Variants in RIN2 observed in about 807,000 individuals in gnomAD.
RIN2 encodes the protein RAB5 interacting protein 2.
A neutral mutation model predicts 78.0 loss-of-function variants in RIN2; 36 were observed. The observed-to-expected ratio is 0.46, with a 90% CI of 0.35 to 0.61. The LOEUF is 0.61. RIN2 is among the 20% of genes least tolerant of loss of function. The pLI, the probability that RIN2 is intolerant of heterozygous loss-of-function variation, is 0.00. For synonymous variants in RIN2, 466 were observed against 466.8 expected, an observed-to-expected ratio of 1.00 and a Z score of 0.02; for missense variants, 1,087 against 1,159.7, an observed-to-expected ratio of 0.94 and a Z score of 0.91.
intron 9 of RIN2, among the ~76,000 whole-genome samples, chr20:19,980,968 G>A (rs145234179): frequency 2.4e-3 from 362 of 152,364 alleles, no homozygotes; most frequent in Non-Finnish European, 4.4e-3. Context: ...GAGTCAAAGC[G>A]TATGAATTAA....
Position 19,880,928 on chromosome 20 carries a change from C to A in RIN2, c.-36-8638C>A, listed in dbSNP as rs115710756. Among the ~76,000 whole-genome samples the A allele has an allele frequency of 3.3e-3, 498 of 152,276 alleles. 5 individuals are homozygous for A. The highest frequency in any genetic ancestry group is 0.011 in the African/African-American group (477 of 41,554). The stretch of plus-strand genomic sequence containing the variant: ...AAATAACAGACCGAACATATGGCTT[C>A]CTTTAACTATTCCCGATGGCAGCAT... On this transcript the variant is annotated intron_variant, in intron 2 of 12. Transcript: ENST00000255006.
chr20:19,868,027 T>A (rs1427904909), intron 2 of RIN2, among the ~76,000 whole-genome samples: 1 of 152,242 alleles, frequency 6.6e-6, no homozygotes, highest in Non-Finnish European at 1.5e-5. Context: ...TGGGGCATGC[T>A]GGTGCACAAA....
At chr20:19,776,271 C>T (rs1330046407) in intron 1 of RIN2, among the ~76,000 whole-genome samples, 1 of 152,228 alleles carries the variant, frequency 6.6e-6, no homozygotes, top group Non-Finnish European at 1.5e-5. Flanking sequence ...AACCTTAAGA[C>T]TGATAGAACA....
At chr20:19,776,511 C>T (rs1467227970) in intron 1 of RIN2, among the ~76,000 whole-genome samples, 1 of 152,082 alleles carries the variant, frequency 6.6e-6, no homozygotes, top group Non-Finnish European at 1.5e-5. Context: ...GCAGATGGTT[C>T]ACCTGAGGTC....
intron 2 of RIN2, among the ~76,000 whole-genome samples, chr20:19,868,874 A>T (rs1264634508): frequency 6.6e-6 from 1 of 152,130 alleles, no homozygotes; most frequent in East Asian, 1.9e-4. Context: ...TAAGGTCAGG[A>T]GTTCAAGACC....
intron 3 of RIN2, chr20:19,934,741 C>T (rs751185819): frequency 2.9e-4 from 100 of 347,886 alleles, no homozygotes; most frequent in Middle Eastern, 1.4e-3. Flanking sequence ...AATATTGAGG[C>T]CCGGTTTTGC....
At chr20:19,935,465 C>T (rs989550123) in intron 4 of RIN2, 1 of 1,224,432 alleles carries the variant, frequency 8.2e-7, no homozygotes, top group Non-Finnish European at 1.0e-6. Context: ...ATTGTCTGTG[C>T]CATATCCACC....
chr20:19,949,495 C>CT (rs2041229057), intron 4 of RIN2, among the ~76,000 whole-genome samples: 1 of 152,160 alleles, frequency 6.6e-6, no homozygotes, highest in Non-Finnish European at 1.5e-5. Flanking sequence ...GTCATTTTGC[C>CT]TTGAACTTTA....
intron 1 of RIN2, among the ~76,000 whole-genome samples, chr20:19,758,775 C>T (rs1474190704): frequency 6.6e-6 from 1 of 152,222 alleles, no homozygotes; most frequent in Non-Finnish European, 1.5e-5. Flanking sequence ...CAAGTGCTCC[C>T]TGCGCCTGAG....
chr20:19,817,233 C>A (rs1448211608), intron 2 of RIN2, among the ~76,000 whole-genome samples: 2 of 152,188 alleles, frequency 1.3e-5, no homozygotes, highest in Non-Finnish European at 2.9e-5. Context: ...AATTTATAAA[C>A]AATAGAAATG....
chr20:19,940,726 T>G (rs549027803), intron 4 of RIN2, among the ~76,000 whole-genome samples: 3 of 152,336 alleles, frequency 2.0e-5, no homozygotes, highest in Admixed American at 2.0e-4. Flanking sequence ...CCCTCCCACA[T>G]GATTCCACAG....
chr20:19,826,184 GGTGA>G (rs1288650044), intron 2 of RIN2, among the ~76,000 whole-genome samples: 5 of 151,982 alleles, frequency 3.3e-5, no homozygotes, highest in Non-Finnish European at 7.4e-5. Context: ...TGTAAAAGGA[GGTGA>G]GTGACTATTT....
At chr20:19,945,622 T>C (rs1190881557) in intron 4 of RIN2, among the ~76,000 whole-genome samples, 7 of 152,230 alleles carry the variant, frequency 4.6e-5, no homozygotes, top group African/African-American at 1.2e-4. Context: ...TTGGTGGGCA[T>C]AGAATTATTG....
rs2043113454 is a variant in RIN2, at chr20:20,000,597, C to G, written c.2365-16C>G. 5 of 1,573,990 alleles carry G rather than the reference C, an allele frequency of 3.2e-6. No homozygotes were observed. On this transcript the variant is annotated splice_polypyrimidine_tract_variant and intron_variant, in intron 12 of 12. Transcript: ENST00000255006. ...TTTCTCTTCTGACTGTCTCAACATT[C>G]CTCTTCCACCTGCAGAATTACCTCC...
At chr20:19,855,364 A>C (rs2037130844) in intron 2 of RIN2, among the ~76,000 whole-genome samples, 1 of 152,106 alleles carries the variant, frequency 6.6e-6, no homozygotes, top group African/African-American at 2.4e-5. Flanking sequence ...TGTCTCTGTC[A>C]GGCTTTGGTA....
intron 2 of RIN2, among the ~76,000 whole-genome samples, chr20:19,840,281 C>T (rs1452373256): frequency 6.6e-6 from 1 of 152,122 alleles, no homozygotes; most frequent in Admixed American, 6.5e-5. Flanking sequence ...TTCCCCACTC[C>T]TTTTCCCTGG....
intron 3 of RIN2, among the ~76,000 whole-genome samples, chr20:19,911,058 T>A (rs1165491476): frequency 1.2e-5 from 1 of 82,508 alleles, no homozygotes; most frequent in African/African-American, 8.0e-5. Context: ...ATATGTAAAT[T>A]TTTTTTTTTG....
intron 3 of RIN2, among the ~76,000 whole-genome samples, chr20:19,920,975 A>C (rs1301296597): frequency 6.8e-6 from 1 of 146,108 alleles, no homozygotes; most frequent in African/African-American, 2.6e-5. Context: ...GCCCAGCCGA[A>C]ACAGTTTTTT....
chr20:19,832,537 C>T (rs1428403778), intron 2 of RIN2, among the ~76,000 whole-genome samples: 1 of 151,806 alleles, frequency 6.6e-6, no homozygotes, highest in African/African-American at 2.4e-5. Flanking sequence ...TGTGCTCCCA[C>T]CCTCCGGGCC....
Sources: allele counts gnomAD v4.1 joint callset (sites outside exome capture counted in the v4.1 genomes callset), GRCh38; gene constraint gnomAD v4.1.1; transcripts MANE v1.5; gene names NCBI Gene and HGNC (gene_info 2026-07-23, HGNC 2026-07-21).